Variants in SYN3 observed in about 807,000 individuals in gnomAD.
The protein encoded by SYN3 is synapsin III.
Under a neutral mutation model 65.8 loss-of-function variants are expected in SYN3, and 35 were observed. The observed-to-expected ratio is 0.53, with a 90% CI of 0.41 to 0.70. The LOEUF (loss-of-function observed/expected upper bound fraction) is 0.70. Among genes scored for constraint, SYN3 ranks in the 30% least tolerant of loss-of-function variants. SYN3 has a pLI of 0.00. For missense variants in SYN3, 680 were observed against 749.0 expected (o/e 0.91, Z 1.08); for synonymous variants, 270 against 292.9 (o/e 0.92, Z 0.80).
At chr22:32,861,175 A>AG (rs1014305068) in intron 6 of SYN3, 1 of 106,564 alleles carries the variant, frequency 9.4e-6, no homozygotes, top group African/African-American at 4.6e-5. Flanking sequence ...AAACAGAAGA[A>AG]GAAAAAAAAA....
chr22:32,845,384 G>T (rs975011510), intron 6 of SYN3, among the ~76,000 whole-genome samples: 1 of 151,932 alleles, frequency 6.6e-6, no homozygotes, highest in Admixed American at 6.6e-5. Context: ...TAGAGATGGG[G>T]TTTCACCATG....
chr22:32,831,913 A>C (rs1436209599), intron 6 of SYN3, among the ~76,000 whole-genome samples: 1 of 152,192 alleles, frequency 6.6e-6, no homozygotes, highest in Admixed American at 6.5e-5. Context: ...GAAGGGCACT[A>C]AAATTGAGGC....
At chr22:32,901,633 G>A (rs536012021) in intron 4 of SYN3, among the ~76,000 whole-genome samples, 9 of 152,244 alleles carry the variant, frequency 5.9e-5, no homozygotes, top group Middle Eastern at 3.4e-3. Context: ...CCATAGCCTC[G>A]TGTAGATGTT....
chr22:32,557,087 GGTTA>G (rs920190462), intron 7 of SYN3, among the ~76,000 whole-genome samples: 6 of 152,202 alleles, frequency 3.9e-5, no homozygotes, highest in Admixed American at 6.5e-5. Flanking sequence ...TACAAAGGTG[GGTTA>G]GTTAGTGAGA....
In SYN3 at chr22:32,528,894, G is replaced by C. The variant is rs781281468; in HGVS notation, c.1210C>G (p.Pro404Ala). 4 of 1,614,148 alleles carry C rather than the reference G, an allele frequency of 2.5e-6. No homozygotes were observed. The East Asian group carries it at 6.7e-5, about 27-fold the overall frequency. Residue 404 changes from proline to alanine, a missense_variant, in exon 11 of 14, where the codon CCC (proline) becomes GCC (alanine). By Grantham distance (27) the Pro-to-Ala change is conservative (BLOSUM62 -1). Transcript: ENST00000358763. The part of the protein sequence containing the change: ...SQLPMPGGTA[P>A]SPLRPWAPQI... ...CTTACCCAAGGTCTGAGGGGGGAGG[G>C]CGCTGTGCCTCCTGGCATCGGGAGC... is the stretch of plus-strand genomic sequence containing the variant.
intron 3 of SYN3, among the ~76,000 whole-genome samples, chr22:32,961,764 T>A (rs937044058): frequency 2.0e-5 from 3 of 152,256 alleles, no homozygotes; most frequent in Non-Finnish European, 4.4e-5. Context: ...GCTCTGTATA[T>A]TTCCCAGTTC....
intron 4 of SYN3, among the ~76,000 whole-genome samples, chr22:32,912,576 C>A (rs547662301): frequency 5.3e-5 from 8 of 151,936 alleles, no homozygotes; most frequent in African/African-American, 1.4e-4. Flanking sequence ...AATAAATTAG[C>A]CAGGGGTGGT....
intron 6 of SYN3, among the ~76,000 whole-genome samples, chr22:32,845,428 G>A (rs1429852151): frequency 1.3e-5 from 2 of 151,982 alleles, no homozygotes; most frequent in Non-Finnish European, 2.9e-5. Context: ...TTGACCTCGT[G>A]ATCTGCCCAC....
intron 6 of SYN3, among the ~76,000 whole-genome samples, chr22:32,655,221 G>C (rs1750007775): frequency 6.6e-6 from 1 of 152,220 alleles, no homozygotes. Context: ...CATGGTGACA[G>C]AGCAAGAAGT....
intron 3 of SYN3, among the ~76,000 whole-genome samples, chr22:32,952,652 A>T (rs1184926471): frequency 6.6e-6 from 1 of 152,052 alleles, no homozygotes; most frequent in Non-Finnish European, 1.5e-5. Context: ...GTTACTTAGG[A>T]CTCGAAGCGG....
intron 7 of SYN3, among the ~76,000 whole-genome samples, chr22:32,561,813 G>A (rs2058590734): frequency 6.6e-6 from 1 of 152,222 alleles, no homozygotes; most frequent in African/African-American, 2.4e-5. Context: ...GGGGAAGCCT[G>A]TAGAGGCCCA....
At chr22:32,819,705 C>T (rs758215196) in intron 6 of SYN3, among the ~76,000 whole-genome samples, 4 of 152,150 alleles carry the variant, frequency 2.6e-5, no homozygotes, top group South Asian at 2.1e-4. Context: ...CTAGGGGCCG[C>T]GTCTCCCAGC....
At chr22:32,568,065 C>T (rs902451462) in intron 7 of SYN3, among the ~76,000 whole-genome samples, 1 of 152,220 alleles carries the variant, frequency 6.6e-6, no homozygotes, top group African/African-American at 2.4e-5. Flanking sequence ...ACGGGACAGG[C>T]AAGGCTGTTA....
At chr22:32,905,988 G>A (rs528589152) in intron 4 of SYN3, among the ~76,000 whole-genome samples, 3 of 152,252 alleles carry the variant, frequency 2.0e-5, no homozygotes, top group African/African-American at 7.2e-5. Flanking sequence ...TATTCTAACT[G>A]GGAAACTCTG....
At chr22:32,741,898 G>T (rs960513293) in intron 6 of SYN3, among the ~76,000 whole-genome samples, 2 of 152,070 alleles carry the variant, frequency 1.3e-5, no homozygotes, top group South Asian at 4.2e-4. Flanking sequence ...ACTAAGATAA[G>T]GCAAAGAGGA....
intron 6 of SYN3, among the ~76,000 whole-genome samples, chr22:32,689,070 T>A (rs1269608825): frequency 6.6e-6 from 1 of 152,220 alleles, no homozygotes; most frequent in East Asian, 1.9e-4. Flanking sequence ...ATCTAAAAAA[T>A]CATTTCTTTT....
chr22:32,907,465 C>T (rs1160447076), intron 4 of SYN3, among the ~76,000 whole-genome samples: 2 of 152,142 alleles, frequency 1.3e-5, no homozygotes, highest in African/African-American at 4.8e-5. Flanking sequence ...ATGCATTCAA[C>T]AGACATTCAG....
chr22:32,587,062 A>C (rs2059055672), intron 7 of SYN3, among the ~76,000 whole-genome samples: 1 of 151,924 alleles, frequency 6.6e-6, no homozygotes, highest in Admixed American at 6.6e-5. Flanking sequence ...TCTCTACTAA[A>C]AATACAAAAA....
At chr22:32,872,661 C>A (rs1036638910) in intron 4 of SYN3, among the ~76,000 whole-genome samples, 1 of 152,192 alleles carries the variant, frequency 6.6e-6, no homozygotes, top group Non-Finnish European at 1.5e-5. Context: ...GATGGATATG[C>A]AATGACTATA....
Sources: allele counts gnomAD v4.1 joint callset (sites outside exome capture counted in the v4.1 genomes callset), GRCh38; gene constraint gnomAD v4.1.1; transcripts MANE v1.5; gene names NCBI Gene and HGNC (gene_info 2026-07-23, HGNC 2026-07-21).